Variants in PCDHGA3 observed in about 807,000 individuals in gnomAD.
PCDHGA3 encodes the protein protocadherin gamma-A3.
In PCDHGA3, 40 loss-of-function variants were observed where a neutral mutation model predicts 58.5. The observed-to-expected ratio is 0.68, with a 90% CI of 0.53 to 0.89. The LOEUF is 0.89. Ranked by LOEUF, PCDHGA3 falls within the 40% of genes least tolerant of loss-of-function variation. PCDHGA3 has a pLI of 0.00. For missense variants in PCDHGA3, 1,223 were observed against 1,195.9 expected (o/e 1.02, Z -0.33); for synonymous variants, 530 against 525.7 (o/e 1.01, Z -0.11).
At chr5:141,412,084 G>C (rs1199665555) in intron 1 of PCDHGA3, 1 of 152,170 alleles carries the variant, frequency 6.6e-6, no homozygotes, top group East Asian at 1.9e-4. Flanking sequence ...ATTGCTACTG[G>C]GTTGATGGGC....
At position 141,408,231 on chromosome 5, in the gene PCDHGA3, G is replaced by C. The variant is rs775180708; in HGVS notation, c.2424+61774G>C. 1.0e-5 allele frequency: 16 copies of C among 1,567,976 alleles called. No individual in the cohort carries two copies. The highest frequency in any genetic ancestry group is 1.2e-5 in the Non-Finnish European group (14 of 1,156,162). ...GGAGGGAGCTGCGCGCAGAGGCGCC[G>C]GGCCGGCCCGCGGCAGGTGCTATTT... is the stretch of plus-strand genomic sequence containing the variant. On this transcript the variant is annotated intron_variant, in intron 1 of 3. Transcript: ENST00000253812.
At chr5:141,475,146 G>A (rs938308425) in intron 1 of PCDHGA3, among the ~76,000 whole-genome samples, 3 of 152,014 alleles carry the variant, frequency 2.0e-5, no homozygotes, top group African/African-American at 4.8e-5. Context: ...AATCTTCTCC[G>A]TCTTCTTCTT....
intron 1 of PCDHGA3, chr5:141,357,343 A>C: frequency 6.2e-7 from 1 of 1,614,080 alleles, no homozygotes; most frequent in Non-Finnish European, 8.5e-7. Flanking sequence ...GCTAGCACTC[A>C]AGCTGAGACG....
chr5:141,468,599 G>C (rs1055715232), intron 1 of PCDHGA3: 7 of 152,236 alleles, frequency 4.6e-5, no homozygotes, highest in African/African-American at 1.4e-4. Flanking sequence ...GGGCGCGGTG[G>C]CTCACGCCTG....
At chr5:141,465,945 AC>A (rs761290693) in intron 1 of PCDHGA3, among the ~76,000 whole-genome samples, 7 of 151,958 alleles carry the variant, frequency 4.6e-5, no homozygotes, top group Non-Finnish European at 5.9e-5. Context: ...ACATGGTGAA[AC>A]CCCATCTCTA....
rs1561728654 is a variant in PCDHGA3, at chr5:141,410,479, G to C, written c.2424+64022G>C. 3.7e-6 allele frequency: 6 copies of C among 1,613,838 alleles called. No homozygotes were observed. In the African/African-American group the frequency reaches 8.0e-5, roughly 22 times the overall value. ...CTTATAATCTGTGCATTGCACATAC[G>C]GGTACAAAAGAGTTTAATTTCCTAA... On this transcript the variant is annotated intron_variant, in intron 1 of 3. Coordinates refer to ENST00000253812, the MANE Select transcript of PCDHGA3 (RefSeq NM_018916.4).
chr5:141,418,542 T>G, intron 1 of PCDHGA3: 1 of 1,614,028 alleles, frequency 6.2e-7, no homozygotes, highest in Non-Finnish European at 8.5e-7. Flanking sequence ...ACTGCTCAGA[T>G]AAGAATCCTG....
chr5:141,471,747 T>A (rs2099263878), intron 1 of PCDHGA3, among the ~76,000 whole-genome samples: 1 of 152,200 alleles, frequency 6.6e-6, no homozygotes, highest in African/African-American at 2.4e-5. Context: ...ACATAACATA[T>A]TTGAGGGTGT....
At chr5:141,400,168 C>T (rs1042097050) in intron 1 of PCDHGA3, 5 of 1,614,088 alleles carry the variant, frequency 3.1e-6, no homozygotes, top group Non-Finnish European at 4.2e-6. Flanking sequence ...CTCTGACCCC[C>T]AGGCTGAGCT....
intron 1 of PCDHGA3, chr5:141,419,522 C>T (rs781128524): frequency 1.5e-5 from 24 of 1,612,178 alleles, no homozygotes; most frequent in Non-Finnish European, 1.9e-5. Flanking sequence ...GGTGGGCGAC[C>T]GTAACGACAA....
rs1446743849 is a variant in PCDHGA3, at chr5:141,476,288, C to T, written c.2425-18519C>T. The T allele has an allele frequency of 1.3e-5, 21 of 1,613,980 alleles. No individual in the cohort carries two copies. The highest frequency in any genetic ancestry group is 2.2e-5 in the South Asian group (2 of 91,076). On this transcript the variant is annotated intron_variant, in intron 1 of 3. Coordinates refer to ENST00000253812, the MANE Select transcript of PCDHGA3 (RefSeq NM_018916.4). This position sits in a 1 kb window ranked among gnomAD's most constrained non-coding sequence, Gnocchi z 7.6. ...CGTGGTCGCGAACCTTGGTTTGGAT[C>T]TCGGTAGCCTCTCAGCCCGCAGGTT...
At chr5:141,461,441 T>A (rs959248029) in intron 1 of PCDHGA3, among the ~76,000 whole-genome samples, 7 of 152,194 alleles carry the variant, frequency 4.6e-5, no homozygotes, top group Admixed American at 4.6e-4. Flanking sequence ...TACCTTCTTT[T>A]GAGAAATGGC....
At chr5:141,395,222 AG>A (rs2093199234) in intron 1 of PCDHGA3, 1 of 1,611,488 alleles carries the variant, frequency 6.2e-7, no homozygotes, top group African/African-American at 1.3e-5. Context: ...ATAAGAATGA[AG>A]CTGATCATGG....
chr5:141,375,766 G>A, intron 1 of PCDHGA3: 2 of 1,614,270 alleles, frequency 1.2e-6, no homozygotes, highest in Non-Finnish European at 1.7e-6. Flanking sequence ...ATGCGCCCGA[G>A]ATCCTGTACC....
intron 1 of PCDHGA3, among the ~76,000 whole-genome samples, chr5:141,381,815 T>A (rs1721316177): frequency 7.0e-6 from 1 of 142,092 alleles, no homozygotes; most frequent in South Asian, 2.2e-4. Flanking sequence ...TTTCTTTCTT[T>A]CTTTCTTCTT....
chr5:141,431,527 C>T lies in PCDHGA3; in HGVS notation c.2425-63280C>T. The T allele has an allele frequency of 1.2e-6, 2 of 1,614,086 alleles. No homozygotes were observed. The highest frequency in any genetic ancestry group is 2.2e-5 in the East Asian group (1 of 44,888). ...GCGCGAGCGTTCCGGAGAATCTGGC[C>T]TTGGGCACGCAGCTGCTTGTAGTCA... On this transcript the variant is annotated intron_variant, in intron 1 of 3. Coordinates refer to ENST00000253812, the MANE Select transcript of PCDHGA3 (RefSeq NM_018916.4). This position sits in a 1 kb window ranked among gnomAD's most constrained non-coding sequence, Gnocchi z 4.8.
intron 1 of PCDHGA3, among the ~76,000 whole-genome samples, chr5:141,480,451 T>G (rs2099519323): frequency 6.6e-6 from 1 of 152,136 alleles, no homozygotes; most frequent in African/African-American, 2.4e-5. Flanking sequence ...ATAATTATTT[T>G]TATTAGTTCC....
chr5:141,492,257 A>G (rs955890030), intron 1 of PCDHGA3, among the ~76,000 whole-genome samples: 1 of 152,126 alleles, frequency 6.6e-6, no homozygotes, highest in Non-Finnish European at 1.5e-5. Flanking sequence ...GGCCCACACA[A>G]GTTGCACGGG....
intron 1 of PCDHGA3, among the ~76,000 whole-genome samples, chr5:141,464,833 G>A (rs1015373577): frequency 6.6e-6 from 1 of 151,990 alleles, no homozygotes; most frequent in African/African-American, 2.4e-5. Context: ...CGCACTCCTG[G>A]GCTCAAGCAA....
Sources: gnomAD v4.1 joint callset for allele counts (sites outside exome capture counted in the v4.1 genomes callset) on GRCh38, gnomAD v4.1.1 for gene constraint, Gnocchi (gnomAD v3.1) non-coding constraint, MANE v1.5 for transcripts, NCBI Gene and HGNC (gene_info 2026-07-23, HGNC 2026-07-21) for gene names.